MRPL13: variants seen among roughly 807,000 people sequenced by gnomAD.
MRPL13 encodes large ribosomal subunit protein uL13m.
In MRPL13, 33 loss-of-function variants were observed where a neutral mutation model predicts 29.0. The ratio of observed to expected loss-of-function variants is 1.14; its 90% confidence interval spans 0.86 to 1.52. The LOEUF (loss-of-function observed/expected upper bound fraction) is 1.52, where lower values mean the gene tolerates loss of function less well. Ranked by LOEUF, MRPL13 falls within the 40% of genes most tolerant of loss-of-function variation. The probability of loss-of-function intolerance (pLI) is 0.00; values close to 1 mark genes in which losing one functional copy is unlikely to be tolerated. For synonymous variants in MRPL13, 77 were observed against 68.4 expected (o/e 1.13, Z -0.62); for missense variants, 227 against 216.7 (o/e 1.05, Z -0.30).
intron 6 of MRPL13, among the ~76,000 whole-genome samples, chr8:120,397,841 C>T (rs1812542304): frequency 6.6e-6 from 1 of 152,158 alleles, no homozygotes; most frequent in African/African-American, 2.4e-5. Flanking sequence ...TACCATAATG[C>T]AGCATAGCTG....
rs1812519387 is a variant in MRPL13, at chr8:120,396,083, T to C, written c.*21A>G. 4 of 1,578,084 alleles carry C rather than the reference T, an allele frequency of 2.5e-6. No homozygotes were observed. Among genetic ancestry groups the C allele is most frequent in the Non-Finnish European group, 3.5e-6 (4 of 1,156,164 alleles). ...GAAAGTTTCAATCACTTCACTGTTA[T>C]TTTCTGCAATTCTTATTCTCTTATA... is the stretch of plus-strand genomic sequence containing the variant. On this transcript the variant is annotated 3_prime_UTR_variant, in exon 7 of 7. Transcript: ENST00000306185.
rs1812518428 is a variant in MRPL13 at position 120,395,987 on chromosome 8, G to A, written c.*117C>T. 7 of 766,750 alleles carry A rather than the reference G, an allele frequency of 9.1e-6. No individual in the cohort carries two copies. Among genetic ancestry groups the A allele is most frequent in the Non-Finnish European group, 1.5e-5 (7 of 473,800 alleles). The allele number at this position is 766,750 out of a possible 1,614,324, so 47.5% of individuals were successfully genotyped here. ...CCTGACCTTTCCCCACAGTGATTCGGCACATAAAACAGGTGCTGAACTGTA... is the reference window on the plus strand; with the variant it reads ...CCTGACCTTTCCCCACAGTGATTCGACACATAAAACAGGTGCTGAACTGTA... On this transcript the variant is annotated 3_prime_UTR_variant, in exon 7 of 7. Transcript: ENST00000306185.
At chr8:120,445,011 A>G (rs1813187510) in intron 1 of MRPL13, 57 bp downstream of exon 1, 1 of 1,611,930 alleles carries the variant, frequency 6.2e-7, no homozygotes, top group East Asian at 2.2e-5. Context: ...GCCGGAACCA[A>G]CGCTCTCCTT....
At chr8:120,396,234 T>C (rs1480050575) in intron 6 of MRPL13, 109 bp from the exon 7 acceptor site, 16 of 820,254 alleles carry the variant, frequency 2.0e-5, no homozygotes, top group Non-Finnish European at 2.9e-5. Context: ...CACCAAGAAA[T>C]AGCTACAAAC....
chr8:120,427,706 G>A (rs929409827), intron 3 of MRPL13, among the ~76,000 whole-genome samples: 2 of 152,104 alleles, frequency 1.3e-5, no homozygotes, highest in South Asian at 4.1e-4. Flanking sequence ...GCTCATGCCT[G>A]TAATCCCAGT....
chr8:120,413,782 C>T (rs936773082), intron 6 of MRPL13, among the ~76,000 whole-genome samples: 9 of 152,066 alleles, frequency 5.9e-5, no homozygotes, highest in Non-Finnish European at 1.3e-4. Flanking sequence ...TGAACATCCT[C>T]GCACTTATCT....
intron 6 of MRPL13, among the ~76,000 whole-genome samples, chr8:120,398,548 A>G (rs1812548962): frequency 6.6e-6 from 1 of 152,204 alleles, no homozygotes; most frequent in Admixed American, 6.5e-5. Flanking sequence ...GATGAGAAAG[A>G]ATCAATGCAA....
intron 6 of MRPL13, among the ~76,000 whole-genome samples, chr8:120,401,082 G>A (rs953362799): frequency 6.6e-6 from 1 of 152,080 alleles, no homozygotes. Flanking sequence ...ATAAAGAAGA[G>A]CTGGTACCAT....
intron 6 of MRPL13, among the ~76,000 whole-genome samples, chr8:120,402,685 A>G (rs1422108215): frequency 6.6e-6 from 1 of 152,220 alleles, no homozygotes; most frequent in African/African-American, 2.4e-5. Context: ...GTACAGCAAA[A>G]TAAACTAGCA....
rs781110831 is a variant in MRPL13, at chr8:120,413,991, G to A, written c.515C>T (p.Pro172Leu). 2.5e-5 allele frequency: 38 copies of A among 1,542,788 alleles called. No individual in the cohort carries two copies. In the Admixed American group the frequency reaches 3.1e-4, roughly 12 times the overall value. ...AAACAAGAAGAAGGGAAACACTTAC[G>A]GAGTCCACAATCTTGGGAAGGCGTC... ...EIDAFPRLWT[P>L]PEDYRL Residue 172 changes from proline (P) to leucine (L), a missense_variant and splice_region_variant, in exon 6 of 7, where the codon CCA becomes CTA. Pro to Leu is a moderately conservative substitution (Grantham distance 98, BLOSUM62 -3). Coordinates refer to ENST00000306185, the MANE Select transcript of MRPL13 (RefSeq NM_014078.6).
intron 2 of MRPL13, among the ~76,000 whole-genome samples, chr8:120,442,258 G>A (rs1404313999): frequency 6.6e-6 from 1 of 152,148 alleles, no homozygotes; most frequent in African/African-American, 2.4e-5. Flanking sequence ...CATGCTACTG[G>A]CATGATAAAG....
At chr8:120,441,633 AC>A (rs1022581492) in intron 2 of MRPL13, among the ~76,000 whole-genome samples, 1 of 152,232 alleles carries the variant, frequency 6.6e-6, no homozygotes, top group African/African-American at 2.4e-5. Flanking sequence ...GATTAAAGGA[AC>A]ATAACAACTA....
intron 5 of MRPL13, among the ~76,000 whole-genome samples, chr8:120,419,433 C>T (rs1026921639): frequency 7.9e-5 from 12 of 151,866 alleles, no homozygotes; most frequent in African/African-American, 2.9e-4. Flanking sequence ...AAAGTTAAAT[C>T]ATGGGAAACA....
intron 5 of MRPL13, among the ~76,000 whole-genome samples, chr8:120,418,952 A>C (rs1175695969): frequency 6.6e-6 from 1 of 152,004 alleles, no homozygotes; most frequent in African/African-American, 2.4e-5. Context: ...CTTAAACAGT[A>C]AGAGCACATA....
Position 120,431,996 on chromosome 8 carries a change from C to A in MRPL13, c.245+34G>T, listed in dbSNP as rs1813001270. On this transcript the variant is annotated intron_variant, in intron 3 of 6. Coordinates refer to ENST00000306185, the MANE Select transcript of MRPL13 (RefSeq NM_014078.6). ...GTATTCTTAAAGTAATATATTTTAACTACCTAATTTCCCTGACAACAGCAT... is the reference window on the plus strand; with the variant it reads ...GTATTCTTAAAGTAATATATTTTAAATACCTAATTTCCCTGACAACAGCAT... The A allele has an allele frequency of 6.4e-6, 9 of 1,397,966 alleles. No homozygotes were observed. The East Asian group carries it at 2.1e-4, about 33-fold the overall frequency. The allele number at this position is 1,397,966 out of a possible 1,614,324, so 86.6% of individuals were successfully genotyped here.
At position 120,425,332 on chromosome 8, in the gene MRPL13, G is replaced by A; in HGVS notation, c.280C>T (p.Gln94Ter). Residue 94 changes from glutamine to a stop codon, truncating the protein, a stop_gained, in exon 4 of 7, where the codon CAG (glutamine) becomes TAG (stop). Transcript: ENST00000306185. LOFTEE classifies it high-confidence loss of function. ...PGGFRQVTAAQLHLRDPVAIV... is the reference protein window; with the variant it reads ...PGGFRQVTAA ...GCCACTGGATCCCTCAGGTGAAGCT[G>A]AGCAGCTGTTACTTGTCTAAATCCA... 1 of 1,612,876 alleles carries A rather than the reference G, an allele frequency of 6.2e-7. No homozygotes were observed. The highest frequency in any genetic ancestry group is 8.5e-7 in the Non-Finnish European group (1 of 1,179,240).
chr8:120,403,204 T>C (rs1239813692), intron 6 of MRPL13, among the ~76,000 whole-genome samples: 2 of 152,206 alleles, frequency 1.3e-5, no homozygotes, highest in African/African-American at 4.8e-5. Flanking sequence ...CATGTGTATG[T>C]TCATTGCAGC....
chr8:120,403,705 T>C (rs533131708), intron 6 of MRPL13, among the ~76,000 whole-genome samples: 1 of 152,320 alleles, frequency 6.6e-6, no homozygotes, highest in Non-Finnish European at 1.5e-5. Flanking sequence ...CTTTAAAAAG[T>C]AGATGACTTT....
At chr8:120,418,229 C>A (rs1393335006) in intron 5 of MRPL13, among the ~76,000 whole-genome samples, 1 of 151,988 alleles carries the variant, frequency 6.6e-6, no homozygotes, top group Non-Finnish European at 1.5e-5. Flanking sequence ...ACAAAAATAT[C>A]TGTCATTCTT....
Sources: gnomAD v4.1 joint callset for allele counts (sites outside exome capture counted in the v4.1 genomes callset) on GRCh38, gnomAD v4.1.1 for gene constraint, MANE v1.5 for transcripts, NCBI Gene and HGNC (gene_info 2026-07-23, HGNC 2026-07-21) for gene names.